Variants in CLCN1 observed in about 807,000 individuals in gnomAD.
CLCN1 encodes chloride voltage-gated channel 1.
CLCN1 carries 100 observed loss-of-function variants against 114.5 expected under a neutral mutation model. That is an observed-to-expected ratio of 0.87 (90% confidence interval 0.74 to 1.03). The LOEUF (loss-of-function observed/expected upper bound fraction) is 1.03. Among genes scored for constraint, CLCN1 ranks in the 50% least tolerant of loss-of-function variants. The pLI is 0.00. For synonymous variants in CLCN1, 485 were observed against 487.1 expected (o/e 1.00, Z 0.06); for missense variants, 1,188 against 1,250.0 (o/e 0.95, Z 0.75).
At position 143,345,551 on chromosome 7, in the gene CLCN1, G is replaced by A. The variant is rs1322769496; in HGVS notation, c.1961G>A (p.Arg654Gln). 8 of 1,542,756 alleles carry A rather than the reference G, an allele frequency of 5.2e-6. No homozygotes were observed. The highest frequency in any genetic ancestry group is 1.4e-5 in the African/African-American group (1 of 72,776). ...ATGATCCTGCTGGGCTCGGTGGAGC[G>A]GTCGGAACTGCAGGCCCTCCTGCAG... ...DSMILLGSVERSELQALLQRH... is the reference protein window; with the variant it reads ...DSMILLGSVEQSELQALLQRH... The change falls in exon 17 of 23, where the codon CGG becomes CAG. Residue 654 changes from arginine (R) to glutamine (Q), a missense_variant. Coordinates refer to ENST00000343257, the MANE Select transcript of CLCN1 (RefSeq NM_000083.3).
In CLCN1 at chr7:143,321,726, C is replaced by T. The variant is rs749614246; in HGVS notation, c.574C>T (p.Pro192Ser). 2 of 1,614,244 alleles carry T rather than the reference C, an allele frequency of 1.2e-6. No homozygotes were observed. Among genetic ancestry groups the T allele is most frequent in the East Asian group, 2.2e-5 (1 of 44,886 alleles). The change falls in exon 5 of 23, where the codon CCC becomes TCC. Residue 192 changes from proline to serine, a missense_variant. Coordinates refer to ENST00000343257, the MANE Select transcript of CLCN1 (RefSeq NM_000083.3). This position sits in a 1 kb window ranked among gnomAD's most constrained non-coding sequence, Gnocchi z 4.2. ...TTCAACGCTTTTAGGCTCTGGAATC[C>T]CCGAAATGAAGACAATACTTCGTGG... ...ISPQAVGSGI[P>S]EMKTILRGVV... is the part of the protein sequence containing the mutation.
Position 143,339,757 on chromosome 7 carries a change from C to A in CLCN1, c.1582+136C>A. 1 of 699,358 alleles carries A rather than the reference C, an allele frequency of 1.4e-6. No homozygotes were observed. Among genetic ancestry groups the A allele is most frequent in the South Asian group, 1.5e-5 (1 of 64,790 alleles). The allele number at this position is 699,358 out of a possible 1,614,324, so 43.3% of individuals were successfully genotyped here. Reference sequence around the variant, plus strand: ...AGTGCTACTTAACTCAACTTTTACTCAGATAACATACCCATGGCTCTGACT... The same window carrying A: ...AGTGCTACTTAACTCAACTTTTACTAAGATAACATACCCATGGCTCTGACT... On this transcript the variant is annotated intron_variant, in intron 14 of 22. Transcript: ENST00000343257. The surrounding 1 kb of genome is among the most constrained non-coding windows in gnomAD (Gnocchi z 4.1).
intron 2 of CLCN1, among the ~76,000 whole-genome samples, 178 bp from the exon 3 acceptor site, chr7:143,320,486 G>A (rs1411441731): frequency 1.3e-5 from 2 of 151,892 alleles, no homozygotes; most frequent in Non-Finnish European, 2.9e-5. Context: ...GGACCCTGGG[G>A]GCCCAAGGCT....
chr7:143,324,424 A>T lies in CLCN1; in HGVS notation c.785A>T (p.Tyr262Phe), dbSNP rs761037693. The change falls in exon 7 of 23, where the codon TAC (tyrosine) becomes TTC (phenylalanine). Residue 262 changes from tyrosine (Y) to phenylalanine (F), a missense_variant. Tyr to Phe is a conservative substitution (Grantham distance 22, BLOSUM62 3). Coordinates refer to ENST00000343257, the MANE Select transcript of CLCN1 (RefSeq NM_000083.3). The surrounding 1 kb of genome is among the most constrained non-coding windows in gnomAD (Gnocchi z 4.6). ...TCTCTCCCCTAGTAGCAGCCATACT[A>T]CTACTCTGATATCCTGACGGTGGGC... is the stretch of plus-strand genomic sequence containing the variant. ...VFCGVYEQPY[Y>F]YSDILTVGCA... The T allele has an allele frequency of 6.2e-7, 1 of 1,612,352 alleles. No homozygotes were observed. The highest frequency in any genetic ancestry group is 8.5e-7 in the Non-Finnish European group (1 of 1,178,768).
At chr7:143,344,203 T>G (rs1384640251) in intron 16 of CLCN1, among the ~76,000 whole-genome samples, 2 of 152,228 alleles carry the variant, frequency 1.3e-5, no homozygotes, top group Non-Finnish European at 2.9e-5. Flanking sequence ...TTTCTCTGCC[T>G]TCACCATCAT....
At chr7:143,341,500 C>T (rs1335295706) in intron 14 of CLCN1, among the ~76,000 whole-genome samples, 1 of 151,630 alleles carries the variant, frequency 6.6e-6, no homozygotes, top group Non-Finnish European at 1.5e-5. Context: ...TGGAGGTTCC[C>T]ATGAACCGAG....
In CLCN1 at chr7:143,342,001, A is replaced by G. The variant is rs80356696; in HGVS notation, c.1655A>G (p.Gln552Arg). 4 of 1,614,104 alleles carry G rather than the reference A, an allele frequency of 2.5e-6. No individual in the cohort carries two copies. Among genetic ancestry groups the G allele is most frequent in the Non-Finnish European group, 3.4e-6 (4 of 1,180,048 alleles). The stretch of plus-strand genomic sequence containing the variant: ...GTGATTTGCTTCGAATTAACGGGTC[A>G]GATTGCTCACATCCTGCCCATGATG... ...TAVICFELTG[Q>R]IAHILPMMVA... is the part of the protein sequence containing the mutation. Residue 552 changes from glutamine (Q) to arginine (R), a missense_variant, in exon 15 of 23, where the codon CAG becomes CGG. By Grantham distance (43) the Gln-to-Arg change is conservative. Transcript: ENST00000343257.
intron 18 of CLCN1, 104 bp downstream of exon 18, chr7:143,346,355 G>A (rs1295832028): frequency 9.8e-6 from 8 of 813,390 alleles, no homozygotes; most frequent in East Asian, 5.2e-5. Context: ...GGGTGGGGTG[G>A]GGGGTGAGGC....
chr7:143,347,037 C>A, intron 20 of CLCN1, 88 bp downstream of exon 20: 1 of 1,166,646 alleles, frequency 8.6e-7, no homozygotes, highest in Non-Finnish European at 1.3e-6. Flanking sequence ...ATTGTGTTGT[C>A]ATGAAATAGA....
intron 1 of CLCN1, 36 bp downstream of exon 1, chr7:143,316,428 G>T (rs1272044391): frequency 6.3e-7 from 1 of 1,585,470 alleles, no homozygotes; most frequent in Admixed American, 1.7e-5. Flanking sequence ...AGCCATGGAT[G>T]AGGGGAGACA....
intron 1 of CLCN1, among the ~76,000 whole-genome samples, chr7:143,317,396 CT>C (rs1802316526): frequency 6.6e-6 from 1 of 151,868 alleles, no homozygotes. Context: ...TTACAAGCAC[CT>C]GCCACCATAC....
At chr7:143,343,788 T>C (rs1803154057) in intron 16 of CLCN1, among the ~76,000 whole-genome samples, 1 of 149,274 alleles carries the variant, frequency 6.7e-6, no homozygotes, top group Non-Finnish European at 1.5e-5. Context: ...CTCTCTCTCT[T>C]TCTCTCTCCC....
chr7:143,339,367 C>A lies in CLCN1; in HGVS notation c.1471+45C>A. The A allele has an allele frequency of 6.7e-7, 1 of 1,484,202 alleles. No individual in the cohort carries two copies. Among genetic ancestry groups the A allele is most frequent in the Non-Finnish European group, 9.4e-7 (1 of 1,061,778 alleles). 91.9% of individuals were successfully genotyped at this position (1,484,202 alleles called of 1,614,324 possible). On this transcript the variant is annotated intron_variant, in intron 13 of 22. Coordinates refer to ENST00000343257, the MANE Select transcript of CLCN1 (RefSeq NM_000083.3). The surrounding 1 kb of genome is among the most constrained non-coding windows in gnomAD (Gnocchi z 4.1). Reference sequence around the variant, plus strand: ...CTGGGGTCTGACTGAGAGTTGCAATCTAGGATACAGGAAACATAAGGAAAG... The same window carrying A: ...CTGGGGTCTGACTGAGAGTTGCAATATAGGATACAGGAAACATAAGGAAAG...
At chr7:143,351,029 C>T (rs1803383958) in intron 22 of CLCN1, among the ~76,000 whole-genome samples, 1 of 152,156 alleles carries the variant, frequency 6.6e-6, no homozygotes. Context: ...CCGCCCGCCT[C>T]GGCTTCCCAA....
chr7:143,346,788 T>C (rs1247652086), intron 19 of CLCN1, 123 bp from the exon 20 acceptor site: 2 of 1,187,658 alleles, frequency 1.7e-6, no homozygotes, highest in Non-Finnish European at 2.5e-6. Context: ...ATGGAAGGGA[T>C]GATGAATGAA....
intron 6 of CLCN1, 161 bp downstream of exon 6, chr7:143,323,547 C>T (rs994049905): frequency 9.8e-6 from 7 of 714,548 alleles, no homozygotes; most frequent in Non-Finnish European, 2.6e-6. Flanking sequence ...GTCTGCCTAC[C>T]CTGGCCACGT....
Position 143,321,661 on chromosome 7 carries a change from A to G in CLCN1, c.563-54A>G, listed in dbSNP as rs542831318. 32 of 1,613,010 alleles carry G rather than the reference A, an allele frequency of 2.0e-5. No individual in the cohort carries two copies. The East Asian group carries it at 6.5e-4, about 33-fold the overall frequency. ...TCCCATTCCCATATTCTGGACATTC[A>G]TCTCCCTTTTCACCTTCACCTTGAC... is the stretch of plus-strand genomic sequence containing the variant. On this transcript the variant is annotated intron_variant, in intron 4 of 22. Transcript: ENST00000343257. The surrounding 1 kb of genome is among the most constrained non-coding windows in gnomAD (Gnocchi z 4.2).
At chr7:143,331,497 A>C in intron 9 of CLCN1, 54 bp from the exon 10 acceptor site, 3 of 1,336,264 alleles carry the variant, frequency 2.2e-6, no homozygotes, top group Non-Finnish European at 3.2e-6. Flanking sequence ...GTTATGTCCA[A>C]GAGATGAGGA....
intron 8 of CLCN1, 115 bp downstream of exon 8, chr7:143,331,012 G>C: frequency 1.3e-6 from 2 of 1,494,742 alleles, no homozygotes; most frequent in East Asian, 2.3e-5. Flanking sequence ...CATCATTTGT[G>C]GGGTGGGACC....
Sources: gnomAD v4.1 joint callset for allele counts (sites outside exome capture counted in the v4.1 genomes callset) on GRCh38, gnomAD v4.1.1 for gene constraint, Gnocchi (gnomAD v3.1) non-coding constraint, MANE v1.5 for transcripts, NCBI Gene and HGNC (gene_info 2026-07-23, HGNC 2026-07-21) for gene names.